R3HDM2: variants seen among roughly 807,000 people sequenced by gnomAD.
R3HDM2 encodes R3H domain containing 2, also known as R3H domain-containing protein 2.
R3HDM2 carries 38 observed loss-of-function variants against 124.5 expected under a neutral mutation model. The ratio of observed to expected loss-of-function variants is 0.31; its 90% CI spans 0.24 to 0.40. The LOEUF (loss-of-function observed/expected upper bound fraction) is 0.40, where lower values mean the gene tolerates loss of function less well. R3HDM2 is among the 10% of genes least tolerant of loss of function. R3HDM2 has a pLI of 1.00. For synonymous variants in R3HDM2, 391 were observed against 448.0 expected, an observed-to-expected ratio of 0.87 and a Z score of 1.61; for missense variants, 869 against 1,236.9, an observed-to-expected ratio of 0.70 and a Z score of 4.46.
At chr12:57,358,374 C>T (rs569383165) in intron 2 of R3HDM2, among the ~76,000 whole-genome samples, 68 of 152,146 alleles carry the variant, frequency 4.5e-4, no homozygotes, top group South Asian at 8.3e-4. Flanking sequence ...GAGAAGTGTA[C>T]GCCTGTAATC....
At position 57,348,713 on chromosome 12, in the gene R3HDM2, A is replaced by G. The variant is rs2060319384; in HGVS notation, c.-35-38250T>C. Among the ~76,000 whole-genome samples the G allele has an allele frequency of 7.2e-5, 3 of 41,824 alleles. 1 individual carries two copies. The highest frequency in any genetic ancestry group is 2.3e-4 in the Admixed American group (1 of 4,286). The allele number at this position is 41,824 out of a possible 152,430, so 27.4% of individuals were successfully genotyped here. On this transcript the variant is annotated intron_variant, in intron 2 of 23. Coordinates refer to ENST00000402412, the MANE Select transcript of R3HDM2 (RefSeq NM_001394031.1). Reference sequence around the variant, plus strand: ...CGTCTCAAAAAAAAAAAAAAAAAAAAAAAAAAAAGAGAGAGAAAAATTAGC... The same window carrying G: ...CGTCTCAAAAAAAAAAAAAAAAAAAGAAAAAAAAGAGAGAGAAAAATTAGC...
intron 2 of R3HDM2, among the ~76,000 whole-genome samples, chr12:57,384,551 T>TA (rs2138429531): frequency 6.6e-6 from 1 of 152,274 alleles, no homozygotes; most frequent in South Asian, 2.1e-4. Context: ...TCAACACTGT[T>TA]AATACAGATG....
intron 2 of R3HDM2, among the ~76,000 whole-genome samples, chr12:57,386,323 G>A (rs1033311724): frequency 6.6e-6 from 1 of 152,354 alleles, no homozygotes; most frequent in African/African-American, 2.4e-5. Context: ...GAGAGGCACG[G>A]GCGGGAACCG....
chr12:57,305,151 C>T (rs1369449794), intron 3 of R3HDM2, among the ~76,000 whole-genome samples: 2 of 152,112 alleles, frequency 1.3e-5, no homozygotes, highest in African/African-American at 4.8e-5. Context: ...CGCCACTGCA[C>T]TCCAGCCTGA....
In R3HDM2 at chr12:57,430,926, G is replaced by A. The variant is rs1020716183; in HGVS notation, c.-312C>T. On this transcript the variant is annotated 5_prime_UTR_variant, in exon 1 of 24. Transcript: ENST00000402412. ...GGAAAGGGGCTTGGGAAGGAGGGGG[G>A]AGAGGGGAAGAAAAGGGGGGAACCA... 2 of 137,676 alleles carry A rather than the reference G, an allele frequency of 1.5e-5. No individual in the cohort carries two copies. The highest frequency in any genetic ancestry group is 3.2e-5 in the Non-Finnish European group (2 of 63,326). The allele number at this position is 137,676 out of a possible 1,614,324, so 8.5% of individuals were successfully genotyped here.
At chr12:57,293,672 A>C (rs1305503154) in intron 10 of R3HDM2, among the ~76,000 whole-genome samples, 2 of 152,170 alleles carry the variant, frequency 1.3e-5, no homozygotes, top group African/African-American at 2.4e-5. Context: ...TCATCAAATG[A>C]ATATCACCAG....
chr12:57,303,591 A>G (rs1041993534), intron 3 of R3HDM2, among the ~76,000 whole-genome samples: 1 of 151,894 alleles, frequency 6.6e-6, no homozygotes, highest in African/African-American at 2.4e-5. Context: ...AAAAAAAAAA[A>G]CAAAACCAAA....
chr12:57,427,615 GC>G (rs1345152764), intron 1 of R3HDM2, among the ~76,000 whole-genome samples: 1 of 151,930 alleles, frequency 6.6e-6, no homozygotes, highest in Non-Finnish European at 1.5e-5. Context: ...CTCCCAAAGT[GC>G]TGGGACTATA....
At chr12:57,428,864 A>C (rs1451271971) in intron 1 of R3HDM2, among the ~76,000 whole-genome samples, 1 of 151,478 alleles carries the variant, frequency 6.6e-6, no homozygotes, top group Non-Finnish European at 1.5e-5. Flanking sequence ...CTCCCACCTC[A>C]GCCTGCCAAG....
Position 57,298,122 on chromosome 12 carries a change from T to C in R3HDM2, c.468A>G (p.Glu156=). The change falls in exon 7 of 24, where the codon GAA becomes GAG. Residue 156 remains glutamate, a synonymous_variant. Transcript: ENST00000402412. The stretch of plus-strand genomic sequence containing the variant: ...TCTTTTTCAGTGTATTTACAAGAAA[T>C]TCATGTAGGTCTATTCCAGTGGAGT... ...YTDSTGIDLH[E]FLVNTLKKNP... The C allele has an allele frequency of 6.4e-7, 1 of 1,551,284 alleles. No homozygotes were observed. Among genetic ancestry groups the C allele is most frequent in the Non-Finnish European group, 8.7e-7 (1 of 1,146,792 alleles).
chr12:57,380,870 T>C (rs1000469359), intron 2 of R3HDM2, among the ~76,000 whole-genome samples: 7 of 152,188 alleles, frequency 4.6e-5, no homozygotes, highest in African/African-American at 1.7e-4. Context: ...TTACTGAAGC[T>C]AATTAGTATT....
intron 2 of R3HDM2, among the ~76,000 whole-genome samples, chr12:57,329,047 A>C (rs984487360): frequency 6.6e-6 from 1 of 152,198 alleles, no homozygotes; most frequent in Non-Finnish European, 1.5e-5. Context: ...ATATATAAAA[A>C]ACACACACTA....
intron 3 of R3HDM2, chr12:57,305,639 C>A: frequency 2.5e-6 from 1 of 398,992 alleles, no homozygotes; most frequent in Admixed American, 4.4e-5. Flanking sequence ...AAGGCACAAA[C>A]CTTGTCAAAA....
intron 19 of R3HDM2, among the ~76,000 whole-genome samples, chr12:57,265,497 T>C (rs1264446468): frequency 2.0e-5 from 3 of 148,648 alleles, no homozygotes; most frequent in Non-Finnish European, 3.0e-5. Flanking sequence ...CATGTGAGTA[T>C]AGTGCTAGAT....
rs929745854 is a variant in R3HDM2 at position 57,341,886 on chromosome 12, T to C, written c.-35-31423A>G. 6.6e-5 allele frequency among the ~76,000 whole-genome samples: 10 copies of C among 152,204 alleles called. 1 individual carries two copies. Among genetic ancestry groups the C allele is most frequent in the Admixed American group, 6.5e-4 (10 of 15,272 alleles). On this transcript the variant is annotated intron_variant, in intron 2 of 23. Transcript: ENST00000402412. ...CACCACTGTTCTCATAAGCTGCATC[T>C]GAATGAAGCATTGCTTGAAATAGTC...
At chr12:57,272,374 C>T (rs1180747245) in intron 14 of R3HDM2, 26 of 1,203,262 alleles carry the variant, frequency 2.2e-5, no homozygotes, top group Non-Finnish European at 3.1e-5. Context: ...GCTTACAAGG[C>T]CATCACAGAC....
At chr12:57,259,969 GGAAGCTACT>G (rs2040239059) in intron 19 of R3HDM2, among the ~76,000 whole-genome samples, 1 of 152,070 alleles carries the variant, frequency 6.6e-6, no homozygotes, top group South Asian at 2.1e-4. Context: ...AGACCAGTCA[GGAAGCTACT>G]GAAGGTCGGG....
intron 2 of R3HDM2, among the ~76,000 whole-genome samples, chr12:57,340,574 T>C (rs757331010): frequency 2.5e-4 from 38 of 152,156 alleles, no homozygotes; most frequent in Non-Finnish European, 4.3e-4. Context: ...AATATTAATA[T>C]AATTGAACTA....
intron 2 of R3HDM2, among the ~76,000 whole-genome samples, chr12:57,367,333 T>C (rs1468360061): frequency 6.6e-6 from 1 of 152,248 alleles, no homozygotes; most frequent in Non-Finnish European, 1.5e-5. Context: ...CTGGGGCTAC[T>C]AAGTATTTGA....
Sources: gnomAD v4.1 joint callset for allele counts (sites outside exome capture counted in the v4.1 genomes callset) on GRCh38, gnomAD v4.1.1 for gene constraint, MANE v1.5 for transcripts, NCBI Gene and HGNC (gene_info 2026-07-23, HGNC 2026-07-21) for gene names.